BCAS3: variants seen among roughly 807,000 people sequenced by gnomAD.
BCAS3 encodes BCAS4/BCAS3 fusion.
Under a neutral mutation model 116.1 loss-of-function variants are expected in BCAS3, and 53 were observed. The observed-to-expected ratio is 0.46, with a 90% CI of 0.37 to 0.57. The LOEUF is 0.57. Among genes scored for constraint, BCAS3 ranks in the 20% least tolerant of loss-of-function variants. BCAS3 has a pLI of 0.00. For missense variants in BCAS3, 917 were observed against 1,165.4 expected (o/e 0.79, Z 3.10); for synonymous variants, 391 against 408.2 (o/e 0.96, Z 0.51).
At chr17:60,769,998 C>A (rs1412152062) in intron 6 of BCAS3, among the ~76,000 whole-genome samples, 1 of 152,056 alleles carries the variant, frequency 6.6e-6, no homozygotes, top group African/African-American at 2.4e-5. Context: ...TGGTCTCGAA[C>A]TCCTGACCTC....
chr17:61,056,304 C>CA lies in BCAS3; in HGVS notation c.2029+15413dup, dbSNP rs1464030598. On this transcript the variant is annotated intron_variant, in intron 19 of 23. Transcript: ENST00000407086. This position sits in a 1 kb window ranked among gnomAD's most constrained non-coding sequence, Gnocchi z 4.9. ...GCCTTCCGCGAGTTGGAGTCTTGACCACCAGTAACTAACTGTGTGGCCTTA... is the reference window on the plus strand; with the variant it reads ...GCCTTCCGCGAGTTGGAGTCTTGACCAACCAGTAACTAACTGTGTGGCCTTA... Among the ~76,000 whole-genome samples, 1 of 152,114 alleles carries CA rather than the reference C, an allele frequency of 6.6e-6. No homozygotes were observed. Among genetic ancestry groups the CA allele is most frequent in the Non-Finnish European group, 1.5e-5 (1 of 68,014 alleles).
chr17:61,069,855 A>C, intron 19 of BCAS3: 1 of 830,718 alleles, frequency 1.2e-6, no homozygotes, highest in East Asian at 2.5e-5. Flanking sequence ...AAAAAAAAAA[A>C]GACCCTTTTC....
intron 7 of BCAS3, among the ~76,000 whole-genome samples, chr17:60,812,074 A>G (rs2048883489): frequency 6.6e-6 from 1 of 151,794 alleles, no homozygotes; most frequent in Non-Finnish European, 1.5e-5. Context: ...AAAAGTTCAT[A>G]AGTTGTTTTC....
intron 9 of BCAS3, among the ~76,000 whole-genome samples, chr17:60,880,457 T>A (rs2056017814): frequency 6.6e-6 from 1 of 152,110 alleles, no homozygotes; most frequent in African/African-American, 2.4e-5. Context: ...CCCAGCTAAT[T>A]TTTATATTTT....
chr17:60,950,850 C>A (rs2060793047), intron 14 of BCAS3, among the ~76,000 whole-genome samples: 1 of 152,150 alleles, frequency 6.6e-6, no homozygotes, highest in Admixed American at 6.6e-5. Context: ...AAAAACAACA[C>A]CCTTCACCAA....
At chr17:60,769,060 T>TG (rs2044391284) in intron 6 of BCAS3, among the ~76,000 whole-genome samples, 1 of 152,178 alleles carries the variant, frequency 6.6e-6, no homozygotes, top group Admixed American at 6.5e-5. Flanking sequence ...CAGGTTGTGT[T>TG]GGCCCAACTG....
intron 23 of BCAS3, among the ~76,000 whole-genome samples, chr17:61,382,554 G>A (rs1322617905): frequency 4.0e-5 from 6 of 151,886 alleles, no homozygotes; most frequent in Admixed American, 6.5e-5. Flanking sequence ...GAGCCACCGC[G>A]CCTGGCCAGG....
intron 23 of BCAS3, among the ~76,000 whole-genome samples, chr17:61,375,963 CCACATTT>C (rs2059319070): frequency 6.6e-6 from 1 of 152,176 alleles, no homozygotes; most frequent in African/African-American, 2.4e-5. Context: ...AAGTAGTTGA[CCACATTT>C]GACTTTGCAG....
At position 61,344,349 on chromosome 17, in the gene BCAS3, C is replaced by G. The variant is rs1364841741; in HGVS notation, c.2426-23978C>G. 3.9e-5 allele frequency among the ~76,000 whole-genome samples: 6 copies of G among 152,172 alleles called. No homozygotes were observed. Among genetic ancestry groups the G allele is most frequent in the Non-Finnish European group, 2.9e-5 (2 of 68,032 alleles). Reference sequence around the variant, plus strand: ...CAACCAAGTCTCTGGGTCTTCTTGTCAAGACTAATTTCCTTTTAGGCCCAG... The same window carrying G: ...CAACCAAGTCTCTGGGTCTTCTTGTGAAGACTAATTTCCTTTTAGGCCCAG... On this transcript the variant is annotated intron_variant, in intron 22 of 23. Transcript: ENST00000407086. This position sits in a 1 kb window ranked among gnomAD's most constrained non-coding sequence, Gnocchi z 4.1.
chr17:60,733,502 G>A (rs192045141), intron 5 of BCAS3, among the ~76,000 whole-genome samples: 124 of 152,256 alleles, frequency 8.1e-4, no homozygotes, highest in African/African-American at 2.8e-3. Flanking sequence ...TAAACATGAG[G>A]CATTCTTTTC....
chr17:61,339,641 C>A lies in BCAS3; in HGVS notation c.2426-28686C>A, dbSNP rs955878907. Reference sequence around the variant, plus strand: ...ATTAGCCGGGCGTGGTGGTGCCCATCTGTAATCCCAGCTACTCGGGAGGCT... The same window carrying A: ...ATTAGCCGGGCGTGGTGGTGCCCATATGTAATCCCAGCTACTCGGGAGGCT... On this transcript the variant is annotated intron_variant, in intron 22 of 23. Transcript: ENST00000407086. The surrounding 1 kb of genome is among the most constrained non-coding windows in gnomAD (Gnocchi z 4.4). 6.6e-6 allele frequency among the ~76,000 whole-genome samples: 1 copy of A among 152,030 alleles called. No individual in the cohort carries two copies. Among genetic ancestry groups the A allele is most frequent in the Non-Finnish European group, 1.5e-5 (1 of 68,018 alleles).
chr17:60,946,052 G>A (rs1330679808), intron 13 of BCAS3, among the ~76,000 whole-genome samples: 7 of 152,178 alleles, frequency 4.6e-5, no homozygotes, highest in African/African-American at 7.2e-5. Context: ...CCTGGGAGGC[G>A]GAGCTTGCAG....
chr17:61,119,973 A>C (rs1456220146), intron 22 of BCAS3, among the ~76,000 whole-genome samples: 1 of 152,128 alleles, frequency 6.6e-6, no homozygotes, highest in Non-Finnish European at 1.5e-5. Flanking sequence ...ATGAAATTCT[A>C]CAGAGTGATT....
intron 6 of BCAS3, among the ~76,000 whole-genome samples, chr17:60,762,964 G>T (rs534066752): frequency 2.6e-5 from 4 of 152,260 alleles, no homozygotes; most frequent in African/African-American, 9.6e-5. Flanking sequence ...TGTAGCAGTT[G>T]TGAATGGGAG....
At chr17:60,930,941 G>T (rs1381282337) in intron 13 of BCAS3, among the ~76,000 whole-genome samples, 27 of 152,214 alleles carry the variant, frequency 1.8e-4, no homozygotes, top group Non-Finnish European at 8.8e-5. Context: ...TAGGTTGGTT[G>T]ACTGGGTGGC....
intron 13 of BCAS3, among the ~76,000 whole-genome samples, chr17:60,934,682 G>T (rs2059827023): frequency 6.6e-6 from 1 of 152,108 alleles, no homozygotes; most frequent in Non-Finnish European, 1.5e-5. Context: ...ATTCAGATTG[G>T]CCTGTATCTT....
rs60339550 is a variant in BCAS3 at position 61,104,151 on chromosome 17, T to G, written c.2425+19587T>G. On this transcript the variant is annotated intron_variant, in intron 22 of 23. Coordinates refer to ENST00000407086, the MANE Select transcript of BCAS3 (RefSeq NM_017679.5). This position sits in a 1 kb window ranked among gnomAD's most constrained non-coding sequence, Gnocchi z 4.1. ...CAAAATGACTATTTCACTTGGAAAG[T>G]TTTGTCTTTTCTGTAAAAATTCCAG... Among the ~76,000 whole-genome samples, 15,278 of 152,138 alleles carry G rather than the reference T, an allele frequency of 0.1. 2,316 individuals are homozygous for G. Among genetic ancestry groups the G allele is most frequent in the African/African-American group, 0.33 (13,724 of 41,430 alleles).
intron 10 of BCAS3, among the ~76,000 whole-genome samples, chr17:60,898,963 C>T (rs543546535): frequency 2.0e-5 from 3 of 152,088 alleles, no homozygotes; most frequent in Admixed American, 6.5e-5. Context: ...TGGAGGAGTG[C>T]TTATGTACCC....
chr17:61,204,747 A>G lies in BCAS3; in HGVS notation c.2425+120183A>G, dbSNP rs2081029805. On this transcript the variant is annotated intron_variant, in intron 22 of 23. Coordinates refer to ENST00000407086, the MANE Select transcript of BCAS3 (RefSeq NM_017679.5). This position sits in a 1 kb window ranked among gnomAD's most constrained non-coding sequence, Gnocchi z 4.2. ...AACTTATTAATAAGCATTTAGAAAA[A>G]CTCGACAAAAAATTAAAGAATTGGC... 6.6e-6 allele frequency among the ~76,000 whole-genome samples: 1 copy of G among 152,000 alleles called. No individual in the cohort carries two copies. The highest frequency in any genetic ancestry group is 1.5e-5 in the Non-Finnish European group (1 of 68,004).
Sources: allele counts gnomAD v4.1 joint callset (sites outside exome capture counted in the v4.1 genomes callset), GRCh38; gene constraint gnomAD v4.1.1; non-coding constraint Gnocchi (gnomAD v3.1); transcripts MANE v1.5; gene names NCBI Gene and HGNC (gene_info 2026-07-23, HGNC 2026-07-21).